The following IL34 variants were observed in gnomAD, a reference collection of about 807,000 sequenced individuals.
IL34 encodes interleukin-34.
A neutral mutation model predicts 25.3 loss-of-function variants in IL34; 17 were observed. The ratio of observed to expected loss-of-function variants is 0.67; its 90% CI spans 0.46 to 1.01. The LOEUF is 1.01. Among genes scored for constraint, IL34 ranks in the 50% least tolerant of loss-of-function variants. The pLI, the probability that IL34 is intolerant of heterozygous loss-of-function variation, is 0.00. For missense variants in IL34, 368 were observed against 312.9 expected (o/e 1.18, Z -1.33); for synonymous variants, 174 against 140.9 (o/e 1.23, Z -1.66).
At chr16:70,583,867 A>T (rs1403400410) in intron 1 of IL34, among the ~76,000 whole-genome samples, 1 of 151,854 alleles carries the variant, frequency 6.6e-6, no homozygotes, top group East Asian at 1.9e-4. Context: ...GGCCAGGCTG[A>T]TCTCAAACTC....
At chr16:70,630,262 TG>T (rs1313812044) in intron 1 of IL34, among the ~76,000 whole-genome samples, 5 of 152,304 alleles carry the variant, frequency 3.3e-5, no homozygotes, top group Middle Eastern at 6.8e-3. Context: ...TTTTTGGAGA[TG>T]GAGTCTCTCT....
At chr16:70,624,970 A>G in intron 1 of IL34, among the ~76,000 whole-genome samples, 1 of 152,042 alleles carries the variant, frequency 6.6e-6, no homozygotes, top group Admixed American at 6.5e-5. Context: ...GAGACTAGGA[A>G]GGGACTGATG....
At chr16:70,658,712 A>G (rs191136916) in intron 4 of IL34, among the ~76,000 whole-genome samples, 16 of 151,040 alleles carry the variant, frequency 1.1e-4, no homozygotes, top group Admixed American at 7.9e-4. Context: ...CTCAAGTGAT[A>G]TGCCTCCCTC....
chr16:70,581,311 G>A (rs1012218467), intron 1 of IL34, among the ~76,000 whole-genome samples: 2 of 152,164 alleles, frequency 1.3e-5, no homozygotes, highest in African/African-American at 4.8e-5. Context: ...TCCCTGGACG[G>A]GCAGCCTCTG....
intron 1 of IL34, among the ~76,000 whole-genome samples, chr16:70,606,535 C>T (rs1394009015): frequency 6.6e-6 from 1 of 152,172 alleles, no homozygotes; most frequent in Admixed American, 6.5e-5. Flanking sequence ...CCACCACCCT[C>T]CACCCCCAAA....
intron 1 of IL34, among the ~76,000 whole-genome samples, chr16:70,599,174 G>C (rs1157137059): frequency 1.3e-5 from 2 of 152,172 alleles, no homozygotes; most frequent in African/African-American, 4.8e-5. Context: ...GAGAGCCAAG[G>C]GGCTTTGTGA....
chr16:70,620,189 G>A (rs2051250454), intron 1 of IL34, among the ~76,000 whole-genome samples: 1 of 152,148 alleles, frequency 6.6e-6, no homozygotes, highest in African/African-American at 2.4e-5. Context: ...AGAATAAGAT[G>A]GCCTTTTGAC....
intron 3 of IL34, 80 bp from the exon 4 acceptor site, chr16:70,656,880 G>A (rs1567467999): frequency 6.8e-6 from 10 of 1,479,202 alleles, no homozygotes; most frequent in South Asian, 3.7e-5. Flanking sequence ...CCCTATGCAG[G>A]GGCAAGTCCC....
chr16:70,596,382 G>A (rs1428758874), intron 1 of IL34, among the ~76,000 whole-genome samples: 2 of 152,316 alleles, frequency 1.3e-5, no homozygotes, highest in African/African-American at 4.8e-5. Flanking sequence ...GGTGGCTAGG[G>A]CATCTCCAGA....
Position 70,647,861 on chromosome 16 carries a change from C to T in IL34, c.28+886C>T, listed in dbSNP as rs146999019. Among the ~76,000 whole-genome samples, 881 of 152,276 alleles carry T rather than the reference C, an allele frequency of 5.8e-3. 7 individuals carry two copies. Among genetic ancestry groups the T allele is most frequent in the Middle Eastern group, 0.017 (5 of 294 alleles). ...GAAGGACCCAGCTGGACCCAATGTTCTGGAAACCCCTAGGTCATGAGAAGC... is the reference window on the plus strand; with the variant it reads ...GAAGGACCCAGCTGGACCCAATGTTTTGGAAACCCCTAGGTCATGAGAAGC... On this transcript the variant is annotated intron_variant, in intron 1 of 5. Transcript: ENST00000288098.
chr16:70,633,359 T>C (rs975855957), intron 1 of IL34, among the ~76,000 whole-genome samples: 1 of 151,830 alleles, frequency 6.6e-6, no homozygotes, highest in African/African-American at 2.4e-5. Flanking sequence ...GCTAAAGCGA[T>C]CCACCTGCCT....
At chr16:70,643,008 C>T (rs1390253024), upstream of IL34, among the ~76,000 whole-genome samples, 1 of 152,034 alleles carries the variant, frequency 6.6e-6, no homozygotes, top group Non-Finnish European at 1.5e-5. Context: ...GTGACTGTTG[C>T]ACAACTTAGT....
intron 1 of IL34, among the ~76,000 whole-genome samples, chr16:70,613,516 A>G (rs769285760): frequency 6.6e-6 from 1 of 152,132 alleles, no homozygotes; most frequent in African/African-American, 2.4e-5. Context: ...CTATTCCGGA[A>G]CCTTGGTACT....
chr16:70,630,957 G>C (rs771631606), intron 1 of IL34, among the ~76,000 whole-genome samples: 1 of 152,144 alleles, frequency 6.6e-6, no homozygotes, highest in Non-Finnish European at 1.5e-5. Flanking sequence ...ATAAACATGG[G>C]AGTGCCGATA....
intron 1 of IL34, among the ~76,000 whole-genome samples, chr16:70,598,043 G>A (rs998921711): frequency 6.6e-6 from 1 of 152,038 alleles, no homozygotes; most frequent in African/African-American, 2.4e-5. Context: ...ACGGGGTTTC[G>A]CCATGTTGGC....
intron 1 of IL34, among the ~76,000 whole-genome samples, chr16:70,612,721 G>C (rs1299963333): frequency 6.6e-6 from 1 of 152,022 alleles, no homozygotes; most frequent in African/African-American, 2.4e-5. Context: ...GGCTCAGGAG[G>C]GATTCCTCAG....
intron 1 of IL34, among the ~76,000 whole-genome samples, chr16:70,620,051 T>C (rs1257724151): frequency 1.3e-5 from 2 of 152,104 alleles, no homozygotes; most frequent in African/African-American, 4.8e-5. Context: ...GAATTGCAAC[T>C]TTTTTCTATT....
chr16:70,586,976 G>T lies in IL34; in HGVS notation c.-401+6927G>T, dbSNP rs554468395. On this transcript the variant is annotated intron_variant, in intron 1 of 6. Transcript: ENST00000429149. ...AATCCAAGATGTTGCGGGCTCATTT[G>T]GGGGCTGCCGAGCTAGCCCTGGGGC... Among the ~76,000 whole-genome samples, 1,276 of 152,294 alleles carry T rather than the reference G, an allele frequency of 8.4e-3. 11 individuals carry two copies. The highest frequency in any genetic ancestry group is 0.014 in the Non-Finnish European group (963 of 68,022).
intron 1 of IL34, among the ~76,000 whole-genome samples, chr16:70,621,373 A>AT (rs1305619490): frequency 6.6e-6 from 1 of 152,184 alleles, no homozygotes; most frequent in East Asian, 1.9e-4. Context: ...AGGAATTGAA[A>AT]TTAAGAGAAG....
Sources: gnomAD v4.1 joint callset for allele counts (sites outside exome capture counted in the v4.1 genomes callset) on GRCh38, gnomAD v4.1.1 for gene constraint, MANE v1.5 for transcripts, NCBI Gene and HGNC (gene_info 2026-07-23, HGNC 2026-07-21) for gene names.